ARHGAP8: variants seen among roughly 807,000 people sequenced by gnomAD.
ARHGAP8 encodes the protein rho GTPase-activating protein 8.
In ARHGAP8, 62 loss-of-function variants were observed where a neutral mutation model predicts 46.1. That is an observed-to-expected ratio of 1.34 (90% CI 1.10 to 1.66). The LOEUF (loss-of-function observed/expected upper bound fraction) is 1.66. Ranked by LOEUF, ARHGAP8 falls within the 40% of genes most tolerant of loss-of-function variation. ARHGAP8 has a pLI of 0.00. For synonymous variants in ARHGAP8, 375 were observed against 243.1 expected, an observed-to-expected ratio of 1.54 and a Z score of -5.05; for missense variants, 923 against 568.4, an observed-to-expected ratio of 1.62 and a Z score of -6.34.
At chr22:44,847,915 G>A (rs983534128) in intron 8 of ARHGAP8, 58 bp from the exon 9 acceptor site, 10 of 1,597,426 alleles carry the variant, frequency 6.3e-6, no homozygotes, top group Non-Finnish European at 8.5e-6. Context: ...GTCATATAAT[G>A]TCCTGGAAGC....
At chr22:44,854,362 G>A in intron 10 of ARHGAP8, among the ~76,000 whole-genome samples, 1 of 151,400 alleles carries the variant, frequency 6.6e-6, no homozygotes, top group Admixed American at 6.6e-5. Flanking sequence ...TCAGCCTCCG[G>A]AGTAGCTGGG....
At chr22:44,787,047 A>AAAAAAAAAAC (rs796358176) in intron 2 of ARHGAP8, among the ~76,000 whole-genome samples, 9 of 145,560 alleles carry the variant, frequency 6.2e-5, no homozygotes, top group South Asian at 2.2e-4. Flanking sequence ...CAAAAAAAAA[A>AAAAAAAAAAC]AAAAGAAAGA....
At chr22:44,810,036 A>G (rs924357799) in intron 4 of ARHGAP8, among the ~76,000 whole-genome samples, 8 of 152,102 alleles carry the variant, frequency 5.3e-5, no homozygotes, top group Non-Finnish European at 1.0e-4. Flanking sequence ...GCCCCAGCGC[A>G]TGTCCTCCTC....
chr22:44,803,661 A>ATGCACACCCCCCCTCCCG (rs1928721925), intron 3 of ARHGAP8, among the ~76,000 whole-genome samples: 1 of 30,254 alleles, frequency 3.3e-5, no homozygotes, highest in African/African-American at 2.4e-4. Flanking sequence ...ACCCCCTCCC[A>ATGCACACCCCCCCTCCCG]TGCACACACC....
At chr22:44,798,302 G>T (rs1438394546) in intron 2 of ARHGAP8, among the ~76,000 whole-genome samples, 1 of 151,856 alleles carries the variant, frequency 6.6e-6, no homozygotes, top group Non-Finnish European at 1.5e-5. Context: ...AGACAAGGAA[G>T]GTCTCATTAT....
chr22:44,788,571 T>C (rs575799402), intron 2 of ARHGAP8, among the ~76,000 whole-genome samples: 63 of 152,034 alleles, frequency 4.1e-4, no homozygotes, highest in South Asian at 2.1e-3. Context: ...TTTTTATATC[T>C]TTAGTAGAGA....
intron 1 of ARHGAP8, among the ~76,000 whole-genome samples, chr22:44,777,506 G>T (rs1209446631): frequency 1.3e-5 from 2 of 151,964 alleles, no homozygotes. Flanking sequence ...GAAATTCAAA[G>T]ACTTTCGCCC....
intron 11 of ARHGAP8, 133 bp downstream of exon 11, chr22:44,859,967 T>TGCCCCCCAA: frequency 9.2e-7 from 1 of 1,092,874 alleles, no homozygotes; most frequent in Non-Finnish European, 1.3e-6. Context: ...TACCACTCCC[T>TGCCCCCCAA]GCCCCCCAAG....
chr22:44,805,647 AC>A (rs1200563272), intron 3 of ARHGAP8, among the ~76,000 whole-genome samples: 1 of 152,168 alleles, frequency 6.6e-6, no homozygotes, highest in Admixed American at 6.5e-5. Context: ...TGCTTTTTTC[AC>A]TCAGCGTGGG....
chr22:44,861,290 G>T (rs2070469556), intron 11 of ARHGAP8, among the ~76,000 whole-genome samples: 1 of 152,136 alleles, frequency 6.6e-6, no homozygotes, highest in African/African-American at 2.4e-5. Flanking sequence ...TTTTCATTAG[G>T]AGAGACTGAT....
chr22:44,759,591 G>A lies in ARHGAP8; in HGVS notation c.-72+6964G>A, dbSNP rs566952242. 7.2e-5 allele frequency among the ~76,000 whole-genome samples: 11 copies of A among 152,268 alleles called. No homozygotes were observed. The East Asian group carries it at 1.2e-3, about 16-fold the overall frequency. On this transcript the variant is annotated intron_variant, in intron 1 of 11. Coordinates refer to ENST00000356099, the MANE Select transcript of ARHGAP8 (RefSeq NM_181335.3). ...GGGTCTGCAGAGGGGCGGCAAGTTGGCTGCAGCCCTCCGGGTCTCATCTGC... is the reference window on the plus strand; with the variant it reads ...GGGTCTGCAGAGGGGCGGCAAGTTGACTGCAGCCCTCCGGGTCTCATCTGC...
At chr22:44,836,623 G>C (rs979907914) in intron 7 of ARHGAP8, among the ~76,000 whole-genome samples, 7 of 151,038 alleles carry the variant, frequency 4.6e-5, no homozygotes, top group Non-Finnish European at 1.0e-4. Context: ...CATTTCTCTG[G>C]GCATCCAGGA....
intron 7 of ARHGAP8, among the ~76,000 whole-genome samples, chr22:44,838,865 C>T (rs1323596708): frequency 6.6e-6 from 1 of 152,146 alleles, no homozygotes; most frequent in African/African-American, 2.4e-5. Context: ...GGACAATTTT[C>T]GTCAGTGCCA....
At chr22:44,825,932 C>CG (rs1165805406) in intron 7 of ARHGAP8, among the ~76,000 whole-genome samples, 3 of 72,894 alleles carry the variant, frequency 4.1e-5, no homozygotes, top group African/African-American at 5.9e-5. Flanking sequence ...GGTGCCTGGT[C>CG]GGGGGGGTGC....
chr22:44,854,788 G>A (rs186873981), intron 10 of ARHGAP8, among the ~76,000 whole-genome samples: 1 of 151,804 alleles, frequency 6.6e-6, no homozygotes, highest in African/African-American at 2.4e-5. Flanking sequence ...ACAGGCACCG[G>A]CCATCTTGCC....
rs2070564436 is a variant in ARHGAP8 at position 44,862,752 on chromosome 22, A to C, written c.*157A>C. The C allele has an allele frequency of 1.1e-6, 1 of 907,032 alleles. No individual in the cohort carries two copies. Among genetic ancestry groups the C allele is most frequent in the Non-Finnish European group, 1.6e-6 (1 of 631,656 alleles). The allele number at this position is 907,032 out of a possible 1,614,324, so 56.2% of individuals were successfully genotyped here. Reference sequence around the variant, plus strand: ...GCCTCTGGTCCTTGGACTCTTGTCCATGGTTCCTGAGCTGTGGACCGGGAT... The same window carrying C: ...GCCTCTGGTCCTTGGACTCTTGTCCCTGGTTCCTGAGCTGTGGACCGGGAT... On this transcript the variant is annotated 3_prime_UTR_variant, in exon 12 of 12. Coordinates refer to ENST00000356099, the MANE Select transcript of ARHGAP8 (RefSeq NM_181335.3).
At chr22:44,848,176 G>A in intron 9 of ARHGAP8, 126 bp downstream of exon 9, 1 of 1,354,064 alleles carries the variant, frequency 7.4e-7, no homozygotes, top group South Asian at 1.3e-5. Flanking sequence ...AAACACTCAG[G>A]GTGGGGGCAG....
intron 1 of ARHGAP8, among the ~76,000 whole-genome samples, chr22:44,752,992 G>T (rs892838551): frequency 6.6e-6 from 1 of 151,936 alleles, no homozygotes; most frequent in Non-Finnish European, 1.5e-5. Context: ...CAGCTCAAAT[G>T]TTCCTTTTTT....
Position 44,786,573 on chromosome 22 carries a change from G to A in ARHGAP8, c.46G>A (p.Asp16Asn), listed in dbSNP as rs187115817. 2.8e-4 allele frequency: 448 copies of A among 1,613,466 alleles called. 2 individuals carry two copies. Among genetic ancestry groups the A allele is most frequent in the South Asian group, 2.4e-3 (216 of 90,966 alleles). Residue 16 changes from aspartate (D) to asparagine (N), a missense_variant, in exon 2 of 12, where the codon GAC becomes AAC. Transcript: ENST00000356099. ...PALSTSHPFY[D>N]VARHGILQVA... ...GCTGAGCACGAGTCACCCGTTCTAC[G>A]ACGTGGCCAGACATGGCATTCTGCA...
Sources: gnomAD v4.1 joint callset for allele counts (sites outside exome capture counted in the v4.1 genomes callset) on GRCh38, gnomAD v4.1.1 for gene constraint, MANE v1.5 for transcripts, NCBI Gene and HGNC (gene_info 2026-07-23, HGNC 2026-07-21) for gene names.